Variants in GSDMA observed in about 807,000 individuals in gnomAD.
GSDMA encodes the protein gasdermin-A.
In GSDMA, 55 loss-of-function variants were observed where a neutral mutation model predicts 54.3. That is an observed-to-expected ratio of 1.01 (90% CI 0.82 to 1.27). The LOEUF (loss-of-function observed/expected upper bound fraction) is 1.27, where lower values mean the gene tolerates loss of function less well. Among genes scored for constraint, GSDMA ranks in the 50% most tolerant of loss-of-function variants. GSDMA has a pLI of 0.00. For missense variants in GSDMA, 542 were observed against 542.6 expected (o/e 1.00, Z 0.01); for synonymous variants, 211 against 224.7 (o/e 0.94, Z 0.54).
chr17:39,968,424 T>C (rs1979776998), intron 3 of GSDMA, among the ~76,000 whole-genome samples: 1 of 135,518 alleles, frequency 7.4e-6, no homozygotes, highest in African/African-American at 2.7e-5. Flanking sequence ...ACCAGGTCAC[T>C]GCAACCTCCG....
At position 39,970,011 on chromosome 17, in the gene GSDMA, G is replaced by A. The variant is rs62066850; in HGVS notation, c.393-471G>A. ...AGACAGAAGGAGCAAGTGGAGAGGA[G>A]GAACTGGTGTTAACAGCAAGAGAGA... On this transcript the variant is annotated intron_variant, in intron 3 of 11. Coordinates refer to ENST00000301659, the MANE Select transcript of GSDMA (RefSeq NM_178171.5). 1.4e-3 allele frequency among the ~76,000 whole-genome samples: 210 copies of A among 152,170 alleles called. 2 individuals are homozygous for A. Among genetic ancestry groups the A allele is most frequent in the Non-Finnish European group, 1.9e-3 (129 of 68,014 alleles).
Position 39,970,542 on chromosome 17 carries a change from T to C in GSDMA, c.453T>C (p.Tyr151=), listed in dbSNP as rs767975408. ...TGCAAGATCAAGGGGAGAACCTGTATGTGGTGATGGAGGTGGTGGAGACGG... is the reference window on the plus strand; with the variant it reads ...TGCAAGATCAAGGGGAGAACCTGTACGTGGTGATGGAGGTGGTGGAGACGG... ...KEMQDQGENL[Y]VVMEVVETVQ... The change falls in exon 4 of 12, where the codon TAT becomes TAC. Residue 151 remains tyrosine, a synonymous_variant. Coordinates refer to ENST00000301659, the MANE Select transcript of GSDMA (RefSeq NM_178171.5). 98 of 1,608,356 alleles carry C rather than the reference T, an allele frequency of 6.1e-5. No individual in the cohort carries two copies. The highest frequency in any genetic ancestry group is 7.8e-5 in the Non-Finnish European group (92 of 1,177,094).
At chr17:39,972,969 T>A (rs1332101988) in intron 7 of GSDMA, among the ~76,000 whole-genome samples, 2 of 150,898 alleles carry the variant, frequency 1.3e-5, no homozygotes, top group Non-Finnish European at 3.0e-5. Context: ...TGTCTCTATT[T>A]AAAAAAAAAA....
rs371563556 is a variant in GSDMA, at chr17:39,966,450, G to A, written c.392+13G>A. On this transcript the variant is annotated intron_variant, in intron 3 of 11. Coordinates refer to ENST00000301659, the MANE Select transcript of GSDMA (RefSeq NM_178171.5). ...CCGTGCAGGAGAGGTGAGAGTGGGCGGGACTGAGGGTCTCCCGGGATGTGG... is the reference window on the plus strand; with the variant it reads ...CCGTGCAGGAGAGGTGAGAGTGGGCAGGACTGAGGGTCTCCCGGGATGTGG... 5.5e-4 allele frequency: 874 copies of A among 1,580,682 alleles called. No individual in the cohort carries two copies. The highest frequency in any genetic ancestry group is 7.7e-4 in the Middle Eastern group (4 of 5,228).
At chr17:39,973,631 C>T (rs867814137) in intron 7 of GSDMA, among the ~76,000 whole-genome samples, 179 bp from the exon 8 acceptor site, 1 of 152,106 alleles carries the variant, frequency 6.6e-6, no homozygotes, top group African/African-American at 2.4e-5. Flanking sequence ...GCAACTCGGC[C>T]GCCCAGCAAC....
At chr17:39,967,707 T>A (rs1430664976) in intron 3 of GSDMA, among the ~76,000 whole-genome samples, 2 of 152,158 alleles carry the variant, frequency 1.3e-5, no homozygotes, top group Non-Finnish European at 2.9e-5. Context: ...TTTTTCGCTC[T>A]TGTTGCCCAG....
intron 3 of GSDMA, among the ~76,000 whole-genome samples, chr17:39,968,733 A>T (rs975361140): frequency 3.9e-5 from 6 of 152,250 alleles, no homozygotes; most frequent in African/African-American, 1.4e-4. Flanking sequence ...GGAGGAATGG[A>T]TGCAATGCCC....
At chr17:39,971,256 C>T (rs527864777) in intron 4 of GSDMA, among the ~76,000 whole-genome samples, 18 of 152,250 alleles carry the variant, frequency 1.2e-4, no homozygotes, top group South Asian at 8.3e-4. Context: ...GCCCAGTTCC[C>T]TTCATGCATC....
chr17:39,976,239 G>A (rs1980193169), intron 11 of GSDMA, among the ~76,000 whole-genome samples: 2 of 151,132 alleles, frequency 1.3e-5, no homozygotes, highest in Admixed American at 1.3e-4. Flanking sequence ...GACAGAAACT[G>A]TGGCTTTGCT....
chr17:39,977,046 C>G lies in GSDMA; in HGVS notation c.1326C>G (p.Thr442=). The change falls in exon 12 of 12, where the codon ACC becomes ACG. Residue 442 remains threonine, a synonymous_variant. Coordinates refer to ENST00000301659, the MANE Select transcript of GSDMA (RefSeq NM_178171.5). ...YAGLSLLQQL[T]KAS The stretch of plus-strand genomic sequence containing the variant: ...GCCTCTCTCTCCTTCAGCAGCTTAC[C>G]AAGGCCTCCTAATTTGCCTTTTACG... 1 of 1,613,826 alleles carries G rather than the reference C, an allele frequency of 6.2e-7. No individual in the cohort carries two copies. Among genetic ancestry groups the G allele is most frequent in the Non-Finnish European group, 8.5e-7 (1 of 1,179,846 alleles).
chr17:39,963,508 G>A (rs1979505948), intron 1 of GSDMA, among the ~76,000 whole-genome samples: 2 of 152,076 alleles, frequency 1.3e-5, no homozygotes, highest in Non-Finnish European at 1.5e-5. Flanking sequence ...TGTGCCGATC[G>A]GCCACCCAGC....
At chr17:39,964,212 G>A (rs1979532101) in intron 1 of GSDMA, among the ~76,000 whole-genome samples, 1 of 152,142 alleles carries the variant, frequency 6.6e-6, no homozygotes. Flanking sequence ...GGAGGACTAG[G>A]GAGTCTTCAG....
At chr17:39,971,375 G>A in intron 4 of GSDMA, 149 bp from the exon 5 acceptor site, 1 of 616,188 alleles carries the variant, frequency 1.6e-6, no homozygotes, top group Non-Finnish European at 2.9e-6. Context: ...CTTCCTCAGA[G>A]TCCAGACCAG....
At chr17:39,967,320 C>T (rs1467602401) in intron 3 of GSDMA, among the ~76,000 whole-genome samples, 1 of 152,154 alleles carries the variant, frequency 6.6e-6, no homozygotes, top group African/African-American at 2.4e-5. Context: ...GAAGATCTCA[C>T]AGACATGGCA....
chr17:39,973,737 G>A (rs1412401642), intron 7 of GSDMA, 73 bp from the exon 8 acceptor site: 4 of 1,276,524 alleles, frequency 3.1e-6, no homozygotes, highest in Non-Finnish European at 4.5e-6. Context: ...CTTCCTTAGT[G>A]TCTCAACCCC....
At chr17:39,966,582 C>T in intron 3 of GSDMA, 145 bp downstream of exon 3, 1 of 695,236 alleles carries the variant, frequency 1.4e-6, no homozygotes, top group South Asian at 2.3e-5. Context: ...TGGAGGCAAC[C>T]CTTCTGGCCC....
chr17:39,976,529 C>T (rs572969469), intron 11 of GSDMA, among the ~76,000 whole-genome samples: 1 of 152,266 alleles, frequency 6.6e-6, no homozygotes, highest in South Asian at 2.1e-4. Context: ...CTGCCCACCT[C>T]AGCCTCCCAA....
intron 10 of GSDMA, 56 bp downstream of exon 10, chr17:39,975,070 A>T: frequency 1.1e-6 from 1 of 927,700 alleles, no homozygotes; most frequent in Admixed American, 2.1e-5. Context: ...GGAATGAATC[A>T]CTTGAATCAA....
At chr17:39,976,111 G>A (rs981716917) in intron 11 of GSDMA, 114 bp downstream of exon 11, 21 of 654,336 alleles carry the variant, frequency 3.2e-5, no homozygotes, top group Non-Finnish European at 3.7e-5. Context: ...TTATCCCAGG[G>A]GCTTATGCCC....
Sources: gnomAD v4.1 joint callset for allele counts (sites outside exome capture counted in the v4.1 genomes callset) on GRCh38, gnomAD v4.1.1 for gene constraint, MANE v1.5 for transcripts, NCBI Gene and HGNC (gene_info 2026-07-23, HGNC 2026-07-21) for gene names.